RAB38: variants seen among roughly 807,000 people sequenced by gnomAD.
RAB38 encodes RAB38, member RAS oncogene family, also known as ras-related protein Rab-38.
In RAB38, 15 loss-of-function variants were observed where a neutral mutation model predicts 18.4. That is an observed-to-expected ratio of 0.82 (90% confidence interval 0.55 to 1.26). The LOEUF (loss-of-function observed/expected upper bound fraction) is 1.26, where lower values mean the gene tolerates loss of function less well. Among genes scored for constraint, RAB38 ranks in the 50% most tolerant of loss-of-function variants. The pLI is 0.00. For synonymous variants in RAB38, 101 were observed against 104.4 expected (o/e 0.97, Z 0.20); for missense variants, 294 against 267.4 (o/e 1.10, Z -0.69).
At chr11:87,820,986 TA>T in the RAB38 span, among the ~76,000 whole-genome samples, 1 of 152,296 alleles carries the variant, frequency 6.6e-6, no homozygotes, top group East Asian at 1.9e-4. Context: ...GAAGCAAGGA[TA>T]CATGGATGTT....
the RAB38 span, among the ~76,000 whole-genome samples, chr11:87,814,597 T>G: frequency 6.6e-6 from 1 of 152,184 alleles, no homozygotes; most frequent in Admixed American, 6.5e-5. Flanking sequence ...AATTTCAGCT[T>G]TGGGTGTTGA....
chr11:87,908,858 T>C, the RAB38 span, among the ~76,000 whole-genome samples: 1 of 152,008 alleles, frequency 6.6e-6, no homozygotes, highest in Non-Finnish European at 1.5e-5. Flanking sequence ...TTATCCTGAA[T>C]GTTAGGAATA....
chr11:87,936,491 A>T, the RAB38 span, among the ~76,000 whole-genome samples: 37 of 152,142 alleles, frequency 2.4e-4, 1 homozygote, highest in East Asian at 3.3e-3. Flanking sequence ...CTTCTGTTCC[A>T]TTGATTTATG....
At chr11:88,137,715 A>T (rs1436576782) in intron 2 of RAB38, among the ~76,000 whole-genome samples, 1 of 152,210 alleles carries the variant, frequency 6.6e-6, no homozygotes, top group Admixed American at 6.5e-5. Flanking sequence ...GGCCCAGAAC[A>T]ATAAATGAAC....
At chr11:87,882,751 T>C in the RAB38 span, among the ~76,000 whole-genome samples, 6 of 151,876 alleles carry the variant, frequency 4.0e-5, no homozygotes, top group Non-Finnish European at 2.9e-5. Context: ...CAGTAAAATT[T>C]TGGCATTAGA....
At chr11:87,883,771 T>C in the RAB38 span, among the ~76,000 whole-genome samples, 6 of 151,954 alleles carry the variant, frequency 3.9e-5, no homozygotes, top group African/African-American at 1.4e-4. Flanking sequence ...TTGAAGCTAT[T>C]AGAAGGTGTC....
chr11:88,020,662 A>G, the RAB38 span, among the ~76,000 whole-genome samples: 1 of 152,224 alleles, frequency 6.6e-6, no homozygotes, highest in Admixed American at 6.5e-5. Flanking sequence ...TTTTCTCCTC[A>G]GCACATGGAT....
the RAB38 span, among the ~76,000 whole-genome samples, chr11:87,965,596 GAA>G: frequency 2.6e-5 from 4 of 152,112 alleles, no homozygotes; most frequent in Admixed American, 6.6e-5. Flanking sequence ...AGGGGTGAAA[GAA>G]AGTTTTTACC....
the RAB38 span, among the ~76,000 whole-genome samples, chr11:88,009,130 A>G: frequency 6.6e-6 from 1 of 152,208 alleles, no homozygotes; most frequent in Non-Finnish European, 1.5e-5. Context: ...AAAAATCAGC[A>G]CTGAAACTGA....
At chr11:88,057,652 C>T in the RAB38 span, among the ~76,000 whole-genome samples, 4 of 152,068 alleles carry the variant, frequency 2.6e-5, no homozygotes, top group Admixed American at 2.0e-4. Flanking sequence ...GTAGGGAGCT[C>T]GGAGGTCTTG....
At chr11:87,807,103 T>C in the RAB38 span, among the ~76,000 whole-genome samples, 1 of 152,180 alleles carries the variant, frequency 6.6e-6, no homozygotes. Context: ...AGATCTAGAC[T>C]GCATAGTCCG....
the RAB38 span, among the ~76,000 whole-genome samples, chr11:88,092,899 T>C: frequency 2.0e-5 from 3 of 151,876 alleles, no homozygotes; most frequent in Non-Finnish European, 2.9e-5. Flanking sequence ...CATTCTAAGA[T>C]ACATAAGATC....
the RAB38 span, among the ~76,000 whole-genome samples, chr11:87,965,203 G>A: frequency 1.3e-5 from 2 of 151,952 alleles, no homozygotes; most frequent in South Asian, 4.2e-4. Flanking sequence ...AATCAGCAGT[G>A]TGCATAACCT....
chr11:87,976,098 G>A, the RAB38 span, among the ~76,000 whole-genome samples: 113 of 149,372 alleles, frequency 7.6e-4, no homozygotes, highest in African/African-American at 2.4e-3. Context: ...TCTGGTATAT[G>A]TACATATATG....
chr11:88,077,049 GA>G, the RAB38 span, among the ~76,000 whole-genome samples: 2 of 136,912 alleles, frequency 1.5e-5, no homozygotes, highest in Non-Finnish European at 3.2e-5. Flanking sequence ...AGCAAGAAAA[GA>G]AAAAGAATAT....
At chr11:87,953,471 T>C in the RAB38 span, among the ~76,000 whole-genome samples, 685 of 152,308 alleles carry the variant, frequency 4.5e-3, 9 homozygotes, top group African/African-American at 0.016. Context: ...TTAACTGTGG[T>C]CTGAAAATAG....
the RAB38 span, among the ~76,000 whole-genome samples, chr11:88,097,222 T>G: frequency 6.6e-6 from 1 of 151,880 alleles, no homozygotes; most frequent in South Asian, 2.1e-4. Context: ...TGTTACTTTA[T>G]AGCAAATGGA....
the RAB38 span, among the ~76,000 whole-genome samples, chr11:88,062,889 T>G: frequency 2.0e-5 from 3 of 152,226 alleles, no homozygotes; most frequent in Admixed American, 2.0e-4. Context: ...CTGTTAAACT[T>G]TATTTAAATT....
At chr11:87,971,535 T>C in the RAB38 span, among the ~76,000 whole-genome samples, 1 of 152,094 alleles carries the variant, frequency 6.6e-6, no homozygotes, top group Non-Finnish European at 1.5e-5. Flanking sequence ...TCACTTTTTC[T>C]CTCCTTGCCA....
Sources: gnomAD v4.1 joint callset for allele counts (sites outside exome capture counted in the v4.1 genomes callset) on GRCh38, gnomAD v4.1.1 for gene constraint, MANE v1.5 for transcripts, NCBI Gene and HGNC (gene_info 2026-07-23, HGNC 2026-07-21) for gene names.